The following BTRC variants were observed in gnomAD, a reference collection of about 807,000 sequenced individuals.
BTRC encodes beta-transducin repeat containing E3 ubiquitin protein ligase.
Under a neutral mutation model 85.5 loss-of-function variants are expected in BTRC, and 42 were observed. The ratio of observed to expected loss-of-function variants is 0.49; its 90% confidence interval spans 0.38 to 0.64. The LOEUF is 0.64. BTRC is among the 30% of genes least tolerant of loss of function. BTRC has a pLI of 0.00. For missense variants in BTRC, 594 were observed against 743.5 expected, an observed-to-expected ratio of 0.80 and a Z score of 2.34; for synonymous variants, 255 against 263.3, an observed-to-expected ratio of 0.97 and a Z score of 0.30.
At chr10:101,410,112 A>G (rs1395955411) in intron 1 of BTRC, among the ~76,000 whole-genome samples, 1 of 152,152 alleles carries the variant, frequency 6.6e-6, no homozygotes, top group Non-Finnish European at 1.5e-5. Context: ...TTTTAATTGT[A>G]ACGTCAAAAG....
At chr10:101,539,007 T>C (rs1365879503) in intron 13 of BTRC, among the ~76,000 whole-genome samples, 2 of 151,306 alleles carry the variant, frequency 1.3e-5, no homozygotes, top group African/African-American at 4.9e-5. Flanking sequence ...ACCAAGATCA[T>C]GCTTGCACTC....
At chr10:101,409,867 T>A (rs1426458594) in intron 1 of BTRC, among the ~76,000 whole-genome samples, 1 of 152,248 alleles carries the variant, frequency 6.6e-6, no homozygotes, top group Non-Finnish European at 1.5e-5. Context: ...ATAATGCTAC[T>A]ATGAACATGT....
intron 1 of BTRC, among the ~76,000 whole-genome samples, chr10:101,392,397 G>T (rs551375021): frequency 6.6e-6 from 1 of 152,180 alleles, no homozygotes; most frequent in African/African-American, 2.4e-5. Flanking sequence ...TTCAGTAAGT[G>T]ACATTTAACC....
At chr10:101,385,686 G>T (rs1943059877) in intron 1 of BTRC, among the ~76,000 whole-genome samples, 1 of 77,680 alleles carries the variant, frequency 1.3e-5, no homozygotes, top group Non-Finnish European at 2.5e-5. Context: ...TTTGGTTATG[G>T]ACTTCACTGA....
intron 4 of BTRC, among the ~76,000 whole-genome samples, chr10:101,495,352 T>A (rs1453521273): frequency 6.6e-6 from 1 of 152,246 alleles, no homozygotes; most frequent in Admixed American, 6.5e-5. Flanking sequence ...TCTCCTGGCT[T>A]CCTGTGCTGT....
intron 2 of BTRC, among the ~76,000 whole-genome samples, chr10:101,447,794 T>G: frequency 6.6e-6 from 1 of 152,156 alleles, no homozygotes; most frequent in African/African-American, 2.4e-5. Flanking sequence ...TGAATTTCAG[T>G]GCTACAACGA....
chr10:101,509,188 C>G (rs1946625549), intron 4 of BTRC, among the ~76,000 whole-genome samples: 1 of 143,802 alleles, frequency 7.0e-6, no homozygotes, highest in African/African-American at 2.8e-5. Context: ...CCATTCTAAT[C>G]AAAGTGTAAA....
chr10:101,374,709 C>T (rs1022559587), intron 1 of BTRC, among the ~76,000 whole-genome samples: 1 of 149,542 alleles, frequency 6.7e-6, no homozygotes, highest in African/African-American at 2.5e-5. Context: ...GTGCAGTGCA[C>T]CAGCATGGCA....
In BTRC at chr10:101,381,962, C is replaced by CTTTT. The variant is rs71016314; in HGVS notation, c.48+27769_48+27772dup. On this transcript the variant is annotated intron_variant, in intron 1 of 14. Coordinates refer to ENST00000370187, the MANE Select transcript of BTRC (RefSeq NM_033637.4). The stretch of plus-strand genomic sequence containing the variant: ...GAACCCCTAGTTATCCTAAGAATGT[C>CTTTT]TTTTTTTTTTTTTTTTTTTTTTTTT... Among the ~76,000 whole-genome samples the CTTTT allele has an allele frequency of 6.1e-5, 3 of 49,156 alleles. 1 individual carries two copies. The highest frequency in any genetic ancestry group is 3.3e-4 in the African/African-American group (3 of 8,978). 32.2% of individuals were successfully genotyped at this position (49,156 alleles called of 152,430 possible).
intron 1 of BTRC, among the ~76,000 whole-genome samples, chr10:101,416,830 G>A (rs1589441423): frequency 2.0e-5 from 3 of 152,086 alleles, no homozygotes; most frequent in Admixed American, 2.0e-4. Context: ...CTCTCTCATG[G>A]CTTCCATTTT....
In BTRC at chr10:101,556,785, C is replaced by T. The variant is rs2062728890; in HGVS notation, c.*3662C>T. 1 of 152,208 alleles carries T rather than the reference C, an allele frequency of 6.6e-6. No individual in the cohort carries two copies. Among genetic ancestry groups the T allele is most frequent in the Non-Finnish European group, 1.5e-5 (1 of 68,034 alleles). 9.4% of individuals were successfully genotyped at this position (152,208 alleles called of 1,614,324 possible). A position where few individuals can be genotyped will look rare whatever the true frequency, so the allele number is the denominator to read the frequency against. ...AGCTCCTTCTGTTGGAAGTTGAGTA[C>T]CTGTGATCTAAAATGTCCTGGAGGC... On this transcript the variant is annotated 3_prime_UTR_variant, in exon 15 of 15. Transcript: ENST00000370187.
chr10:101,511,344 G>A (rs922171110), intron 4 of BTRC, among the ~76,000 whole-genome samples: 1 of 152,074 alleles, frequency 6.6e-6, no homozygotes, highest in African/African-American at 2.4e-5. Context: ...CTCAGCTCAG[G>A]TGTCACTTCC....
At chr10:101,549,928 G>C (rs1322649460) in intron 13 of BTRC, among the ~76,000 whole-genome samples, 1 of 152,018 alleles carries the variant, frequency 6.6e-6, no homozygotes, top group Non-Finnish European at 1.5e-5. Context: ...GGTTGACTAT[G>C]ACTAGCTTAT....
At chr10:101,508,503 G>GA (rs1946599544) in intron 4 of BTRC, among the ~76,000 whole-genome samples, 1 of 152,034 alleles carries the variant, frequency 6.6e-6, no homozygotes, top group Admixed American at 6.6e-5. Context: ...TACTTCTGTT[G>GA]AAATGTGTGC....
intron 2 of BTRC, among the ~76,000 whole-genome samples, chr10:101,457,781 C>A (rs1438929217): frequency 6.6e-6 from 1 of 152,088 alleles, no homozygotes; most frequent in Non-Finnish European, 1.5e-5. Flanking sequence ...TTTCACTTAA[C>A]TTTTCTCCCA....
At chr10:101,395,072 G>T (rs946393575) in intron 1 of BTRC, among the ~76,000 whole-genome samples, 3 of 152,144 alleles carry the variant, frequency 2.0e-5, no homozygotes, top group African/African-American at 7.2e-5. Context: ...ATCATCTTGT[G>T]TATAGCCTAG....
intron 4 of BTRC, among the ~76,000 whole-genome samples, chr10:101,520,208 A>G (rs1160915350): frequency 6.6e-6 from 1 of 151,792 alleles, no homozygotes; most frequent in African/African-American, 2.4e-5. Flanking sequence ...AAGTGGTGCA[A>G]TCTCAGCTCA....
At position 101,540,721 on chromosome 10, in the gene BTRC, T is replaced by C. The variant is rs183252676; in HGVS notation, c.1656+2350T>C. On this transcript the variant is annotated intron_variant, in intron 13 of 14. Transcript: ENST00000370187. The stretch of plus-strand genomic sequence containing the variant: ...TGTGTTGCCCAGACTGGTCTCAAAC[T>C]CCTGGCCTCAAATAGTACTCCTACC... Among the ~76,000 whole-genome samples the C allele has an allele frequency of 3.8e-3, 582 of 152,334 alleles. 4 individuals are homozygous for C. Among genetic ancestry groups the C allele is most frequent in the Middle Eastern group, 0.01 (3 of 294 alleles).
intron 3 of BTRC, among the ~76,000 whole-genome samples, chr10:101,478,920 CAGAGCA>C (rs1945764868): frequency 7.0e-6 from 1 of 143,874 alleles, no homozygotes; most frequent in Non-Finnish European, 1.5e-5. Context: ...GCCTGGGTGA[CAGAGCA>C]AGACTCCATC....
Sources: gnomAD v4.1 joint callset for allele counts (sites outside exome capture counted in the v4.1 genomes callset) on GRCh38, gnomAD v4.1.1 for gene constraint, MANE v1.5 for transcripts, NCBI Gene and HGNC (gene_info 2026-07-23, HGNC 2026-07-21) for gene names.